The following KCNT2 variants were observed in gnomAD, a reference collection of about 807,000 sequenced individuals.
The protein encoded by KCNT2 is potassium channel subfamily T member 2.
KCNT2 carries 67 observed loss-of-function variants against 153.8 expected under a neutral mutation model. The observed-to-expected ratio is 0.44, with a 90% confidence interval of 0.36 to 0.53. The LOEUF is 0.53. Ranked by LOEUF, KCNT2 falls within the 20% of genes least tolerant of loss-of-function variation. KCNT2 has a pLI of 0.00. For missense variants in KCNT2, 975 were observed against 1,354.8 expected (o/e 0.72, Z 4.40); for synonymous variants, 500 against 458.8 (o/e 1.09, Z -1.15).
At chr1:196,425,522 ACTACT>A (rs1558274678) in intron 11 of KCNT2, among the ~76,000 whole-genome samples, 1 of 151,948 alleles carries the variant, frequency 6.6e-6, no homozygotes, top group African/African-American at 2.4e-5. Flanking sequence ...GGATTTGGAG[ACTACT>A]CTAACAGTGA....
chr1:196,608,428 G>C lies in KCNT2; in HGVS notation c.-119C>G, dbSNP rs1410673567. The stretch of plus-strand genomic sequence containing the variant: ...AGACGCTGTGGCCGAGAGAGGGATG[G>C]GAGAAGGGGAAGGGGACAGGGAGGG... On this transcript the variant is annotated 5_prime_UTR_variant, in exon 1 of 28. Transcript: ENST00000294725. 5.2e-6 allele frequency: 4 copies of C among 771,210 alleles called. No individual in the cohort carries two copies. The highest frequency in any genetic ancestry group is 8.9e-6 in the Non-Finnish European group (4 of 449,526). 47.8% of individuals were successfully genotyped at this position (771,210 alleles called of 1,614,324 possible).
intron 22 of KCNT2, among the ~76,000 whole-genome samples, chr1:196,295,963 A>C (rs1401268171): frequency 6.6e-6 from 1 of 152,048 alleles, no homozygotes; most frequent in South Asian, 2.1e-4. Flanking sequence ...CATATGAATG[A>C]CTCATTGCTG....
chr1:196,490,962 C>T (rs1679813531), intron 2 of KCNT2, among the ~76,000 whole-genome samples: 1 of 151,724 alleles, frequency 6.6e-6, no homozygotes, highest in Non-Finnish European at 1.5e-5. Flanking sequence ...GTAAAAAGGT[C>T]GATGCTTATC....
intron 1 of KCNT2, among the ~76,000 whole-genome samples, chr1:196,562,557 A>C (rs1333630459): frequency 6.6e-6 from 1 of 152,072 alleles, no homozygotes; most frequent in Non-Finnish European, 1.5e-5. Context: ...TGAAAGGAGC[A>C]GCAAATATGG....
At chr1:196,317,250 C>T in intron 20 of KCNT2, 1 of 452,988 alleles carries the variant, frequency 2.2e-6, no homozygotes, top group Non-Finnish European at 4.4e-6. Context: ...TGGTCTGTGG[C>T]AGAGATTTTA....
At chr1:196,399,181 A>C (rs188125555) in intron 12 of KCNT2, among the ~76,000 whole-genome samples, 2 of 151,656 alleles carry the variant, frequency 1.3e-5, no homozygotes, top group Non-Finnish European at 3.0e-5. Context: ...AAATACATCA[A>C]AAAAAGTTTT....
Position 196,326,717 on chromosome 1 carries a change from G to T in KCNT2, c.2276C>A (p.Pro759Gln). ...TTTGTGTATCTTAAAATATACTTACGGGTTATCCAATAGCAGTACTATGGG... is the reference window on the plus strand; with the variant it reads ...TTTGTGTATCTTAAAATATACTTACTGGTTATCCAATAGCAGTACTATGGG... The part of the protein sequence containing the change: ...LNPIVLLLDN[P>Q]PDMHFLDAIC... The change falls in exon 19 of 28, where the codon CCG becomes CAG. Residue 759 changes from proline (P) to glutamine (Q), a missense_variant and splice_region_variant. Pro to Gln is a moderately conservative substitution (Grantham distance 76, BLOSUM62 -1). Coordinates refer to ENST00000294725, the MANE Select transcript of KCNT2 (RefSeq NM_198503.5). 6.7e-7 allele frequency: 1 copy of T among 1,489,058 alleles called. No homozygotes were observed. The highest frequency in any genetic ancestry group is 8.9e-7 in the Non-Finnish European group (1 of 1,119,110). 92.2% of individuals were successfully genotyped at this position (1,489,058 alleles called of 1,614,324 possible).
chr1:196,509,267 G>GAAA (rs78796952), intron 1 of KCNT2, among the ~76,000 whole-genome samples: 1 of 77,622 alleles, frequency 1.3e-5, no homozygotes, highest in Non-Finnish European at 2.7e-5. Flanking sequence ...GCGAAACTCC[G>GAAA]AAAAAAAAAA....
Position 196,340,566 on chromosome 1 carries a change from C to T in KCNT2, c.1558G>A (p.Gly520Ser). 1 of 1,522,742 alleles carries T rather than the reference C, an allele frequency of 6.6e-7. No individual in the cohort carries two copies. The allele number at this position is 1,522,742 out of a possible 1,614,324, so 94.3% of individuals were successfully genotyped here. A position where few individuals can be genotyped will look rare whatever the true frequency, so the allele number is the denominator to read the frequency against. Residue 520 changes from glycine (G) to serine (S), a missense_variant, in exon 16 of 28, where the codon GGC becomes AGC. Transcript: ENST00000294725. ...YASFHAHKKF[G>S]VCLIGVRRED... ...CTCCTAACACCAATCAAGCAGACGCCAAACCTTAATTTAAAAAAAAAGAGA... is the reference window on the plus strand; with the variant it reads ...CTCCTAACACCAATCAAGCAGACGCTAAACCTTAATTTAAAAAAAAAGAGA...
intron 1 of KCNT2, among the ~76,000 whole-genome samples, chr1:196,579,283 T>A (rs1205388416): frequency 6.6e-6 from 1 of 151,772 alleles, no homozygotes; most frequent in Non-Finnish European, 1.5e-5. Context: ...TGACAACAGA[T>A]GGACACAAAG....
At chr1:196,491,809 C>G (rs1679882090) in intron 2 of KCNT2, among the ~76,000 whole-genome samples, 1 of 152,060 alleles carries the variant, frequency 6.6e-6, no homozygotes, top group African/African-American at 2.4e-5. Context: ...CTGTATATTT[C>G]AGTGCAACCT....
chr1:196,285,747 C>T lies in KCNT2; in HGVS notation c.2607G>A (p.Glu869=). The T allele has an allele frequency of 1.9e-6, 3 of 1,609,000 alleles. No individual in the cohort carries two copies. The highest frequency in any genetic ancestry group is 2.6e-6 in the Non-Finnish European group (3 of 1,175,692). Residue 869 remains glutamate, a synonymous_variant, in exon 23 of 28, where the codon GAG becomes GAA. Transcript: ENST00000294725. ...ACATAAAGGCCAAGTTAGAGCCTCT[C>T]TCCCGTTCTTTCTGTTCAGAAATTT... is the stretch of plus-strand genomic sequence containing the variant. ...ALSKLEKKER[E]RGSNLAFMFR... is the part of the protein sequence containing the mutation.
At chr1:196,594,445 A>T (rs1040890449) in intron 1 of KCNT2, among the ~76,000 whole-genome samples, 1 of 152,156 alleles carries the variant, frequency 6.6e-6, no homozygotes, top group African/African-American at 2.4e-5. Flanking sequence ...TGGCCTATAT[A>T]TTCATAGCTG....
intron 1 of KCNT2, among the ~76,000 whole-genome samples, chr1:196,523,316 C>T (rs1238027423): frequency 6.6e-6 from 1 of 152,200 alleles, no homozygotes; most frequent in East Asian, 1.9e-4. Context: ...CGGTAACACT[C>T]ACCATGAGGG....
At chr1:196,500,837 C>T (rs1421322313) in intron 1 of KCNT2, among the ~76,000 whole-genome samples, 3 of 152,074 alleles carry the variant, frequency 2.0e-5, no homozygotes, top group African/African-American at 7.2e-5. Flanking sequence ...ACAATGAACT[C>T]AAACAACTCA....
intron 1 of KCNT2, among the ~76,000 whole-genome samples, chr1:196,538,263 G>T (rs759244844): frequency 7.9e-5 from 12 of 152,124 alleles, no homozygotes; most frequent in Non-Finnish European, 1.6e-4. Context: ...CAATATAGCT[G>T]CCACCAGGCA....
At chr1:196,323,037 C>T (rs1216035483) in intron 19 of KCNT2, among the ~76,000 whole-genome samples, 1 of 151,816 alleles carries the variant, frequency 6.6e-6, no homozygotes, top group Non-Finnish European at 1.5e-5. Context: ...CTCACAATAG[C>T]TTTTTAAGAT....
intron 14 of KCNT2, among the ~76,000 whole-genome samples, chr1:196,369,924 C>A (rs1209337794): frequency 6.6e-6 from 1 of 152,070 alleles, no homozygotes; most frequent in Non-Finnish European, 1.5e-5. Context: ...TGAACAGACA[C>A]TTCTCAAAAG....
chr1:196,391,471 A>G (rs1372373727), intron 13 of KCNT2, among the ~76,000 whole-genome samples: 2 of 151,356 alleles, frequency 1.3e-5, no homozygotes, highest in African/African-American at 2.4e-5. Flanking sequence ...AAAAATAAGT[A>G]TTATTTTACT....
Sources: allele counts gnomAD v4.1 joint callset (sites outside exome capture counted in the v4.1 genomes callset), GRCh38; gene constraint gnomAD v4.1.1; transcripts MANE v1.5; gene names NCBI Gene and HGNC (gene_info 2026-07-23, HGNC 2026-07-21).